Variants in RELN observed in about 807,000 individuals in gnomAD.
RELN encodes the protein reelin.
In RELN, 108 loss-of-function variants were observed where a neutral mutation model predicts 427.6. That is an observed-to-expected ratio of 0.25 (90% CI 0.22 to 0.30). The LOEUF is 0.30. Ranked by LOEUF, RELN falls within the 10% of genes least tolerant of loss-of-function variation. RELN has a pLI of 1.00. For synonymous variants in RELN, 1,524 were observed against 1,513.4 expected (o/e 1.01, Z -0.16); for missense variants, 3,715 against 4,302.8 (o/e 0.86, Z 3.82).
At chr7:103,883,694 G>A (rs1794659775) in intron 2 of RELN, among the ~76,000 whole-genome samples, 1 of 152,120 alleles carries the variant, frequency 6.6e-6, no homozygotes, top group Non-Finnish European at 1.5e-5. Context: ...TTGCTACAAA[G>A]GGAATAAAAT....
At chr7:103,584,605 T>TA (rs1279243344) in intron 28 of RELN, among the ~76,000 whole-genome samples, 1 of 152,036 alleles carries the variant, frequency 6.6e-6, no homozygotes, top group East Asian at 1.9e-4. Context: ...GACAGCAACA[T>TA]AATAATATCG....
At chr7:103,684,329 G>C (rs968346282) in intron 10 of RELN, among the ~76,000 whole-genome samples, 4 of 152,112 alleles carry the variant, frequency 2.6e-5, no homozygotes, top group Admixed American at 2.6e-4. Flanking sequence ...CTGCTTCCTA[G>C]ATGCTCTCCA....
intron 2 of RELN, among the ~76,000 whole-genome samples, chr7:103,904,297 A>G (rs1388957988): frequency 6.6e-6 from 1 of 152,098 alleles, no homozygotes; most frequent in Non-Finnish European, 1.5e-5. Context: ...GCTATTGTAA[A>G]TAGTGCTGCA....
chr7:103,685,771 T>C (rs1584406534), intron 10 of RELN, among the ~76,000 whole-genome samples: 1 of 152,226 alleles, frequency 6.6e-6, no homozygotes, highest in East Asian at 1.9e-4. Context: ...TTTCCTACTT[T>C]GCCACTAAAT....
chr7:103,721,524 T>C (rs1030741098), intron 8 of RELN, among the ~76,000 whole-genome samples: 6 of 152,132 alleles, frequency 3.9e-5, no homozygotes, highest in Admixed American at 2.0e-4. Context: ...CTGTTGTAAT[T>C]GGTACAAATG....
chr7:103,678,447 T>C lies in RELN; in HGVS notation c.1289+3669A>G, dbSNP rs537328316. On this transcript the variant is annotated intron_variant, in intron 11 of 64. Coordinates refer to ENST00000428762, the MANE Select transcript of RELN (RefSeq NM_005045.4). The stretch of plus-strand genomic sequence containing the variant: ...AAAAAAGAAAAAAACAACTTTAAAA[T>C]CCCACTTAAAAAAATAAACCTATCA... Among the ~76,000 whole-genome samples, 3 of 152,230 alleles carry C rather than the reference T, an allele frequency of 2.0e-5. 1 individual carries two copies. Among genetic ancestry groups the C allele is most frequent in the African/African-American group, 7.2e-5 (3 of 41,562 alleles).
At chr7:103,594,248 A>G (rs1831486678) in intron 26 of RELN, 73 bp downstream of exon 26, 1 of 1,433,378 alleles carries the variant, frequency 7.0e-7, no homozygotes, top group Non-Finnish European at 9.8e-7. Flanking sequence ...CTAAATCCTT[A>G]AGGAAATGAG....
chr7:103,619,877 T>C (rs1383863301), intron 20 of RELN, among the ~76,000 whole-genome samples: 1 of 147,526 alleles, frequency 6.8e-6, no homozygotes, highest in East Asian at 1.9e-4. Flanking sequence ...TATGTGTGTT[T>C]GTGTGTGTGT....
chr7:103,713,463 A>C (rs1789855778), intron 8 of RELN, among the ~76,000 whole-genome samples: 2 of 152,162 alleles, frequency 1.3e-5, no homozygotes, highest in Non-Finnish European at 1.5e-5. Context: ...GGAAAGAGAG[A>C]TAGAGATGAA....
Position 103,904,975 on chromosome 7 carries a change from C to CTTTTTTTTT in RELN, c.337+12091_337+12099dup, listed in dbSNP as rs67024941. 4.1e-3 allele frequency among the ~76,000 whole-genome samples: 319 copies of CTTTTTTTTT among 77,358 alleles called. 9 individuals are homozygous for CTTTTTTTTT. Among genetic ancestry groups the CTTTTTTTTT allele is most frequent in the East Asian group, 0.018 (39 of 2,206 alleles). The allele number at this position is 77,358 out of a possible 152,430, so 50.7% of individuals were successfully genotyped here. A position where few individuals can be genotyped will look rare whatever the true frequency, so the allele number is the denominator to read the frequency against. ...ACTGCCAATCCCTTGAAGTTCTTTCCTTTTTTTTTTTTTTTTTTTTTTTTT... is the reference window on the plus strand; with the variant it reads ...ACTGCCAATCCCTTGAAGTTCTTTCCTTTTTTTTTTTTTTTTTTTTTTTTTTTTTTTTTT... On this transcript the variant is annotated intron_variant, in intron 2 of 64. Coordinates refer to ENST00000428762, the MANE Select transcript of RELN (RefSeq NM_005045.4).
rs763876687 is a variant in RELN, at chr7:103,497,885, ATGT to A, written c.8882_8884del (p.Asn2961del). Reference sequence around the variant, plus strand: ...GCAGATGGGACGATGGCAAGAGGTCATGTTGTTCTCACTACCGATGCGCCCCCA... The same window carrying A: ...GCAGATGGGACGATGGCAAGAGGTCATGTTCTCACTACCGATGCGCCCCCA... On this transcript the variant is annotated inframe_deletion, in exon 55 of 65. Transcript: ENST00000428762. 1.9e-6 allele frequency: 3 copies of A among 1,614,040 alleles called. No individual in the cohort carries two copies. In the African/African-American group the frequency reaches 4.0e-5, roughly 22 times the overall value.
chr7:103,648,677 T>C (rs1187841131), intron 16 of RELN, among the ~76,000 whole-genome samples: 1 of 152,074 alleles, frequency 6.6e-6, no homozygotes, highest in Non-Finnish European at 1.5e-5. Context: ...AGAAAATATC[T>C]GCAAACTATG....
At chr7:103,663,766 A>G (rs1313960697) in intron 11 of RELN, among the ~76,000 whole-genome samples, 3 of 152,176 alleles carry the variant, frequency 2.0e-5, no homozygotes, top group Non-Finnish European at 4.4e-5. Flanking sequence ...CAAGCCCTGC[A>G]ATGACCACCT....
At chr7:103,773,162 TTC>T (rs1186304110) in intron 4 of RELN, among the ~76,000 whole-genome samples, 18 of 105,924 alleles carry the variant, frequency 1.7e-4, no homozygotes, top group African/African-American at 5.7e-4. Flanking sequence ...CTTTCTTTCT[TTC>T]TTTTTCTTTC....
At position 103,833,683 on chromosome 7, in the gene RELN, G is replaced by A. The variant is rs1323587447; in HGVS notation, c.338-11C>T. On this transcript the variant is annotated splice_polypyrimidine_tract_variant and intron_variant, in intron 2 of 64. Coordinates refer to ENST00000428762, the MANE Select transcript of RELN (RefSeq NM_005045.4). Reference sequence around the variant, plus strand: ...GGTCAGACATGATCCCTAAGAGAAAGGAAGGAGAGTTGTTACAAAGACAAC... The same window carrying A: ...GGTCAGACATGATCCCTAAGAGAAAAGAAGGAGAGTTGTTACAAAGACAAC... 6.2e-7 allele frequency: 1 copy of A among 1,611,994 alleles called. No homozygotes were observed. The highest frequency in any genetic ancestry group is 2.2e-5 in the East Asian group (1 of 44,806).
chr7:103,865,661 C>A (rs1455533191), intron 2 of RELN, among the ~76,000 whole-genome samples: 2 of 152,092 alleles, frequency 1.3e-5, no homozygotes, highest in Non-Finnish European at 2.9e-5. Context: ...ACGTGATCAT[C>A]ACGATAGATG....
intron 1 of RELN, among the ~76,000 whole-genome samples, chr7:103,929,725 G>T (rs888966320): frequency 2.0e-5 from 3 of 152,120 alleles, no homozygotes; most frequent in African/African-American, 7.2e-5. Context: ...TTTAAACAGT[G>T]AAATCACCAA....
chr7:103,989,024 G>A lies in RELN; in HGVS notation c.226+107C>T. On this transcript the variant is annotated intron_variant, in intron 1 of 64. Transcript: ENST00000428762. The surrounding 1 kb of genome is among the most constrained non-coding windows in gnomAD (Gnocchi z 4.9). ...CAAGCGCATCGCTGGGGCCAGGGTT[G>A]TCATGGTTCTTGTTTCCAAGGCCCC... is the stretch of plus-strand genomic sequence containing the variant. 1 of 1,010,198 alleles carries A rather than the reference G, an allele frequency of 9.9e-7. No individual in the cohort carries two copies. The highest frequency in any genetic ancestry group is 1.6e-6 in the Non-Finnish European group (1 of 642,572). 62.6% of individuals were successfully genotyped at this position (1,010,198 alleles called of 1,614,324 possible).
intron 7 of RELN, 44 bp from the exon 8 acceptor site, chr7:103,723,235 AG>A: frequency 8.7e-7 from 1 of 1,147,520 alleles, no homozygotes; most frequent in African/African-American, 1.5e-5. Flanking sequence ...GACAGAGAGG[AG>A]AAAGAGGAGA....
Sources: gnomAD v4.1 joint callset for allele counts (sites outside exome capture counted in the v4.1 genomes callset) on GRCh38, gnomAD v4.1.1 for gene constraint, Gnocchi (gnomAD v3.1) non-coding constraint, MANE v1.5 for transcripts, NCBI Gene and HGNC (gene_info 2026-07-23, HGNC 2026-07-21) for gene names.